The following TENM1 variants were observed in gnomAD, a reference collection of about 807,000 sequenced individuals.
The protein encoded by TENM1 is teneurin transmembrane protein 1.
A neutral mutation model predicts 174.8 loss-of-function variants in TENM1; 35 were observed. That is an observed-to-expected ratio of 0.20 (90% confidence interval 0.15 to 0.27). The LOEUF is 0.27. Among genes scored for constraint, TENM1 ranks in the 10% least tolerant of loss-of-function variants. TENM1 has a pLI of 1.00. For synonymous variants in TENM1, 781 were observed against 798.7 expected, an observed-to-expected ratio of 0.98 and a Z score of 0.37; for missense variants, 1,633 against 2,130.1, an observed-to-expected ratio of 0.77 and a Z score of 4.59.
At chrX:125,071,751 T>C in the TENM1 span, among the ~76,000 whole-genome samples, 1 of 111,579 alleles carries the variant, frequency 9.0e-6, no homozygotes, top group East Asian at 2.8e-4. Flanking sequence ...TGTTTATAAA[T>C]GTTTGTTGAA....
chrX:124,995,930 T>C, the TENM1 span, among the ~76,000 whole-genome samples: 11 of 111,008 alleles, frequency 9.9e-5, no homozygotes, highest in African/African-American at 3.6e-4. Flanking sequence ...ATAGACTAAG[T>C]TGTTACTCAT....
At chrX:125,146,916 G>C in the TENM1 span, among the ~76,000 whole-genome samples, 4 of 110,467 alleles carry the variant, frequency 3.6e-5, no homozygotes, top group African/African-American at 1.3e-4. Flanking sequence ...TCCAATCTTT[G>C]GCTTTTTACT....
chrX:124,596,644 A>T (rs1471884497), intron 11 of TENM1, among the ~76,000 whole-genome samples: 1 of 111,711 alleles, frequency 9.0e-6, no homozygotes, highest in Non-Finnish European at 1.9e-5. Context: ...GGCGATGGGG[A>T]AATGAAATAG....
chrX:125,007,319 C>T, the TENM1 span, among the ~76,000 whole-genome samples: 1 of 104,582 alleles, frequency 9.6e-6, no homozygotes, highest in Non-Finnish European at 2.0e-5. Context: ...ACGCAGACAA[C>T]ATTAGAGAAA....
the TENM1 span, among the ~76,000 whole-genome samples, chrX:125,016,357 C>T: frequency 9.0e-6 from 1 of 111,546 alleles, no homozygotes; most frequent in Non-Finnish European, 1.9e-5. Flanking sequence ...TAAGCAACTT[C>T]ATCAAAGTCT....
the TENM1 span, among the ~76,000 whole-genome samples, chrX:125,090,755 A>C: frequency 2.7e-5 from 3 of 111,444 alleles, no homozygotes; most frequent in Non-Finnish European, 5.7e-5. Context: ...ATTTCAAGTA[A>C]GTCTTGCAGG....
exon 20 of TENM1, chrX:124,497,045 C>G (rs191352855): frequency 2.5e-6 from 3 of 1,209,635 alleles, no homozygotes; most frequent in African/African-American, 3.5e-5. Flanking sequence ...CGGAGTTTCC[C>G]GAGGGAAATA....
chrX:124,533,927 T>C (rs1464692583), intron 15 of TENM1, among the ~76,000 whole-genome samples: 3 of 111,669 alleles, frequency 2.7e-5, no homozygotes, highest in Non-Finnish European at 5.6e-5. Context: ...CTTTGCTTGG[T>C]TGAACCTTTG....
chrX:124,528,022 A>G (rs192771086), intron 16 of TENM1, among the ~76,000 whole-genome samples: 1 of 108,733 alleles, frequency 9.2e-6, no homozygotes, highest in African/African-American at 3.3e-5. Context: ...TGAGGTAGCA[A>G]CAAGCAGAGA....
intron 22 of TENM1, among the ~76,000 whole-genome samples, chrX:124,460,976 T>C (rs926459721): frequency 1.8e-5 from 2 of 111,823 alleles, no homozygotes; most frequent in African/African-American, 6.5e-5. Context: ...GTCAAAAGGA[T>C]CTCTGACCCG....
chrX:125,165,453 G>A, the TENM1 span, among the ~76,000 whole-genome samples: 1 of 111,667 alleles, frequency 9.0e-6, no homozygotes, highest in Non-Finnish European at 1.9e-5. Context: ...ATAAAAAAGT[G>A]GAAAAAGAAA....
At chrX:125,188,008 T>C in the TENM1 span, among the ~76,000 whole-genome samples, 1 of 111,703 alleles carries the variant, frequency 9.0e-6, no homozygotes, top group Non-Finnish European at 1.9e-5. Flanking sequence ...TTATAATATG[T>C]TTTTAATTCT....
intron 8 of TENM1, among the ~76,000 whole-genome samples, chrX:124,649,124 C>T (rs2051233432): frequency 8.9e-6 from 1 of 112,066 alleles, no homozygotes; most frequent in South Asian, 3.7e-4. Flanking sequence ...TTATGTTGGC[C>T]TCCAGTAATC....
At chrX:124,722,569 G>A (rs1467463686) in intron 4 of TENM1, among the ~76,000 whole-genome samples, 1 of 110,951 alleles carries the variant, frequency 9.0e-6, no homozygotes, top group African/African-American at 3.3e-5. Flanking sequence ...GGCCAGGCGT[G>A]GTGGCTCACG....
chrX:124,596,864 G>C (rs932478489), intron 11 of TENM1, among the ~76,000 whole-genome samples: 3 of 111,153 alleles, frequency 2.7e-5, no homozygotes, highest in African/African-American at 9.8e-5. Flanking sequence ...ATATAATATA[G>C]AGAATGGAGT....
intron 1 of TENM1, among the ~76,000 whole-genome samples, chrX:124,928,694 TG>T (rs1344404701): frequency 8.9e-6 from 1 of 111,933 alleles, no homozygotes; most frequent in Admixed American, 9.5e-5. Context: ...GGGAATGGCC[TG>T]AATGACTTCC....
intron 5 of TENM1, among the ~76,000 whole-genome samples, chrX:124,684,661 T>C (rs899568585): frequency 9.0e-6 from 1 of 111,034 alleles, no homozygotes; most frequent in African/African-American, 3.3e-5. Context: ...CTAGCTCCAA[T>C]GGACTCAGGC....
the TENM1 span, among the ~76,000 whole-genome samples, chrX:125,132,770 G>A: frequency 9.5e-3 from 1,062 of 111,710 alleles, 14 homozygotes; most frequent in African/African-American, 0.032. Context: ...ATTAGGGGAA[G>A]CCAGAATACA....
chrX:124,965,071 A>G (rs1162108088), upstream of TENM1, among the ~76,000 whole-genome samples: 1 of 110,620 alleles, frequency 9.0e-6, no homozygotes, highest in East Asian at 2.8e-4. Context: ...GATCAATTTG[A>G]TTGATTGATT....
Sources: allele counts gnomAD v4.1 joint callset (sites outside exome capture counted in the v4.1 genomes callset), GRCh38; gene constraint gnomAD v4.1.1; transcripts MANE v1.5; gene names NCBI Gene and HGNC (gene_info 2026-07-23, HGNC 2026-07-21).